DOCK3: variants seen among roughly 807,000 people sequenced by gnomAD.
DOCK3 encodes dedicator of cytokinesis protein 3.
In DOCK3, 60 loss-of-function variants were observed where a neutral mutation model predicts 265.6. The observed-to-expected ratio is 0.23, with a 90% CI of 0.18 to 0.28. DOCK3 has a LOEUF of 0.28. Among genes scored for constraint, DOCK3 ranks in the 10% least tolerant of loss-of-function variants. The pLI is 1.00. For synonymous variants in DOCK3, 881 were observed against 938.0 expected (o/e 0.94, Z 1.11); for missense variants, 1,981 against 2,594.3 (o/e 0.76, Z 5.14).
intron 3 of DOCK3, among the ~76,000 whole-genome samples, chr3:50,877,951 T>C (rs2047798187): frequency 6.6e-6 from 1 of 152,148 alleles, no homozygotes; most frequent in Non-Finnish European, 1.5e-5. Flanking sequence ...GGCAGCAACA[T>C]TTGCCGTTCT....
chr3:50,843,451 G>A (rs2045936555), intron 3 of DOCK3, among the ~76,000 whole-genome samples: 1 of 152,144 alleles, frequency 6.6e-6, no homozygotes, highest in African/African-American at 2.4e-5. Context: ...TATCCAGCAA[G>A]TAATTAGAGT....
intron 28 of DOCK3, among the ~76,000 whole-genome samples, chr3:51,310,823 A>G (rs1227882542): frequency 6.6e-6 from 1 of 152,226 alleles, no homozygotes; most frequent in Non-Finnish European, 1.5e-5. Flanking sequence ...CAAACCAGAC[A>G]AATGATGCAT....
intron 35 of DOCK3, among the ~76,000 whole-genome samples, chr3:51,337,542 G>A (rs899933819): frequency 6.6e-6 from 1 of 152,154 alleles, no homozygotes. Flanking sequence ...TAGCAGTGTG[G>A]GCTGCTATGG....
At position 51,129,454 on chromosome 3, in the gene DOCK3, T is replaced by C. The variant is rs138838046; in HGVS notation, c.747-17095T>C. Among the ~76,000 whole-genome samples, 5 of 152,306 alleles carry C rather than the reference T, an allele frequency of 3.3e-5. No individual in the cohort carries two copies. The East Asian group carries it at 9.6e-4, about 29-fold the overall frequency. ...GTGGAGACCATGGGCATTTGAACCA[T>C]TTCCTCATGTAACTTATTTGTGCCT... On this transcript the variant is annotated intron_variant, in intron 9 of 52. Coordinates refer to ENST00000266037, the MANE Select transcript of DOCK3 (RefSeq NM_004947.5).
chr3:51,047,989 AT>A (rs930121915), intron 5 of DOCK3, among the ~76,000 whole-genome samples: 13 of 152,192 alleles, frequency 8.5e-5, no homozygotes, highest in African/African-American at 2.9e-4. Flanking sequence ...CCTCAAAAAA[AT>A]ATTCAGAAAC....
At chr3:50,731,002 G>T (rs2038174548) in intron 1 of DOCK3, among the ~76,000 whole-genome samples, 1 of 150,678 alleles carries the variant, frequency 6.6e-6, no homozygotes, top group African/African-American at 2.4e-5. Context: ...CGTGGTGGTG[G>T]GCGCCTATAG....
intron 1 of DOCK3, among the ~76,000 whole-genome samples, chr3:50,726,270 TG>T (rs1226466607): frequency 5.3e-5 from 8 of 152,164 alleles, no homozygotes; most frequent in Admixed American, 2.0e-4. Context: ...GCAGGCTGAC[TG>T]TACTACCTTC....
chr3:51,357,326 G>A (rs1576922665), intron 44 of DOCK3, among the ~76,000 whole-genome samples, 185 bp downstream of exon 44: 1 of 152,294 alleles, frequency 6.6e-6, no homozygotes, highest in East Asian at 1.9e-4. Flanking sequence ...GTTTGGTAGG[G>A]CCTTTTCTTC....
At chr3:51,305,709 TGTGTGTCTGTGTGTGTGTGTGTGCGC>T (rs2082618419) in intron 27 of DOCK3, among the ~76,000 whole-genome samples, 1 of 118,708 alleles carries the variant, frequency 8.4e-6, no homozygotes, top group African/African-American at 3.4e-5. Flanking sequence ...CCTCAGTGTG[TGTGTGTCTGTGTGTGTGTGTGTGCGC>T]GTGTGTGTGT....
At chr3:51,065,144 G>A (rs530876725) in intron 6 of DOCK3, among the ~76,000 whole-genome samples, 25 of 152,200 alleles carry the variant, frequency 1.6e-4, no homozygotes, top group African/African-American at 5.8e-4. Context: ...GGTATGGGAA[G>A]TTAGGGTATA....
At chr3:51,352,584 C>T (rs947155088) in intron 40 of DOCK3, among the ~76,000 whole-genome samples, 2 of 152,218 alleles carry the variant, frequency 1.3e-5, no homozygotes, top group Non-Finnish European at 2.9e-5. Flanking sequence ...GGAAATATCA[C>T]CCATCAATCG....
At chr3:50,914,489 A>G (rs919167150) in intron 4 of DOCK3, among the ~76,000 whole-genome samples, 2 of 152,082 alleles carry the variant, frequency 1.3e-5, no homozygotes, top group Admixed American at 6.5e-5. Context: ...TTTAATTTGC[A>G]TGTAACTGCA....
intron 7 of DOCK3, among the ~76,000 whole-genome samples, chr3:51,075,822 A>G (rs1201083389): frequency 6.6e-6 from 1 of 152,228 alleles, no homozygotes; most frequent in African/African-American, 2.4e-5. Context: ...ATAATGTACT[A>G]GTCTTTCTAG....
At chr3:51,228,525 C>A in intron 17 of DOCK3, 136 bp from the exon 18 acceptor site, 2 of 937,530 alleles carry the variant, frequency 2.1e-6, no homozygotes, top group Non-Finnish European at 3.1e-6. Flanking sequence ...ACAGAAAGTA[C>A]TCTTCCAAGA....
chr3:51,298,758 C>T (rs951514008), intron 27 of DOCK3, among the ~76,000 whole-genome samples: 2 of 152,190 alleles, frequency 1.3e-5, no homozygotes, highest in African/African-American at 4.8e-5. Context: ...CTTTTTATGG[C>T]TGCATAGTAT....
At chr3:51,278,598 T>C in intron 26 of DOCK3, 1 of 931,428 alleles carries the variant, frequency 1.1e-6, no homozygotes. Context: ...GAAGGCACTC[T>C]CACTGTAAGT....
intron 5 of DOCK3, among the ~76,000 whole-genome samples, chr3:51,029,659 G>A (rs1004766935): frequency 6.6e-6 from 1 of 152,166 alleles, no homozygotes; most frequent in African/African-American, 2.4e-5. Flanking sequence ...CTTCCCTTAG[G>A]TGCAGTTTGT....
chr3:50,682,000 T>C (rs1239252297), intron 1 of DOCK3, among the ~76,000 whole-genome samples: 1 of 152,246 alleles, frequency 6.6e-6, no homozygotes, highest in Non-Finnish European at 1.5e-5. Context: ...CATTCTTCCT[T>C]ATTGAGTAGA....
chr3:51,021,789 G>T (rs1030184264), intron 5 of DOCK3, among the ~76,000 whole-genome samples: 6 of 151,866 alleles, frequency 4.0e-5, no homozygotes. Context: ...AGCCTCCTGA[G>T]TAGCTGGGAT....
Sources: allele counts gnomAD v4.1 joint callset (sites outside exome capture counted in the v4.1 genomes callset), GRCh38; gene constraint gnomAD v4.1.1; transcripts MANE v1.5; gene names NCBI Gene and HGNC (gene_info 2026-07-23, HGNC 2026-07-21).